The following PEPD variants were observed in gnomAD, a reference collection of about 807,000 sequenced individuals.
The protein encoded by PEPD is peptidase D, also known as xaa-Pro dipeptidase.
PEPD carries 53 observed loss-of-function variants against 60.7 expected under a neutral mutation model. That is an observed-to-expected ratio of 0.87 (90% CI 0.70 to 1.10). The LOEUF (loss-of-function observed/expected upper bound fraction) is 1.10, where lower values mean the gene tolerates loss of function less well. PEPD is among the 50% of genes least tolerant of loss of function. PEPD has a pLI of 0.00. For synonymous variants in PEPD, 267 were observed against 284.1 expected (o/e 0.94, Z 0.60); for missense variants, 711 against 711.9 (o/e 1.00, Z 0.01).
intron 7 of PEPD, among the ~76,000 whole-genome samples, chr19:33,470,670 T>C (rs2145285439): frequency 6.6e-6 from 1 of 152,286 alleles, no homozygotes; most frequent in South Asian, 2.1e-4. Flanking sequence ...ACACAGTAAC[T>C]ATGTGTCATC....
chr19:33,488,614 C>T lies in PEPD; in HGVS notation c.503+1382G>A, dbSNP rs538293734. Among the ~76,000 whole-genome samples, 6 of 152,180 alleles carry T rather than the reference C, an allele frequency of 3.9e-5. No homozygotes were observed. The East Asian group carries it at 7.7e-4, about 20-fold the overall frequency. Reference sequence around the variant, plus strand: ...GCTAATTGCTGCCAGGCGTGGGAGGCGGGGCCGCTTTGGGGAAACTCCCAG... The same window carrying T: ...GCTAATTGCTGCCAGGCGTGGGAGGTGGGGCCGCTTTGGGGAAACTCCCAG... On this transcript the variant is annotated intron_variant, in intron 6 of 14. Transcript: ENST00000244137.
intron 12 of PEPD, among the ~76,000 whole-genome samples, chr19:33,399,470 T>C (rs1214577759): frequency 6.6e-6 from 1 of 152,172 alleles, no homozygotes; most frequent in East Asian, 1.9e-4. Context: ...CAAGCTCTGT[T>C]CCTGTTGGAT....
At chr19:33,447,067 C>T (rs907465594) in intron 9 of PEPD, among the ~76,000 whole-genome samples, 9 of 152,192 alleles carry the variant, frequency 5.9e-5, no homozygotes, top group Non-Finnish European at 1.5e-5. Context: ...TGCACTTCGC[C>T]CTAGCTGGGA....
At chr19:33,460,489 C>T (rs1197110746) in intron 9 of PEPD, among the ~76,000 whole-genome samples, 1 of 152,158 alleles carries the variant, frequency 6.6e-6, no homozygotes, top group Non-Finnish European at 1.5e-5. Flanking sequence ...CCCCAGACAC[C>T]CATCTTCCCA....
chr19:33,456,062 T>C (rs945504255), intron 9 of PEPD, among the ~76,000 whole-genome samples: 1 of 152,120 alleles, frequency 6.6e-6, no homozygotes, highest in Non-Finnish European at 1.5e-5. Flanking sequence ...ACCAAGTTGG[T>C]TTTCTCCACA....
chr19:33,516,707 T>C (rs546143539), intron 1 of PEPD, among the ~76,000 whole-genome samples: 31 of 152,286 alleles, frequency 2.0e-4, no homozygotes, highest in African/African-American at 6.7e-4. Flanking sequence ...CTCCATCTAC[T>C]AGATGGGAAA....
chr19:33,448,038 C>T (rs781303982), intron 9 of PEPD, among the ~76,000 whole-genome samples: 6 of 152,148 alleles, frequency 3.9e-5, no homozygotes, highest in Admixed American at 6.5e-5. Context: ...ACATGCCTGC[C>T]GGCAGGTATG....
At chr19:33,502,104 C>T (rs1418269932) in intron 3 of PEPD, among the ~76,000 whole-genome samples, 1 of 152,162 alleles carries the variant, frequency 6.6e-6, no homozygotes, top group African/African-American at 2.4e-5. Flanking sequence ...AAGTCAATGT[C>T]TCTGTTAGTG....
intron 9 of PEPD, among the ~76,000 whole-genome samples, chr19:33,435,943 A>C (rs1969367394): frequency 6.6e-6 from 1 of 152,216 alleles, no homozygotes; most frequent in African/African-American, 2.4e-5. Flanking sequence ...ACTGGCCTCC[A>C]AGAAGCGGTG....
intron 5 of PEPD, among the ~76,000 whole-genome samples, chr19:33,492,749 T>TG (rs146160912): frequency 0.12 from 18,898 of 152,240 alleles, 1,610 homozygotes; most frequent in Non-Finnish European, 0.19. Context: ...GGAGTGGGTG[T>TG]GGCGCCAGGC....
At chr19:33,518,577 C>T (rs1971068882) in intron 1 of PEPD, among the ~76,000 whole-genome samples, 2 of 152,156 alleles carry the variant, frequency 1.3e-5, no homozygotes, top group Admixed American at 6.5e-5. Context: ...TTCATCCTAC[C>T]CCTCGGAATT....
chr19:33,400,064 G>A (rs1011520565), intron 12 of PEPD, among the ~76,000 whole-genome samples: 4 of 152,188 alleles, frequency 2.6e-5, no homozygotes, highest in South Asian at 4.1e-4. Context: ...CCCTCTGCCC[G>A]CGGTAAGCCC....
At chr19:33,415,397 C>T (rs931379271) in intron 9 of PEPD, among the ~76,000 whole-genome samples, 3 of 152,282 alleles carry the variant, frequency 2.0e-5, no homozygotes, top group South Asian at 2.1e-4. Flanking sequence ...GCAGGCCGGG[C>T]GCAGTGGCTC....
chr19:33,493,327 A>T lies in PEPD; in HGVS notation c.404T>A (p.Val135Asp), dbSNP rs1325007526. ...GACAGAGGGCTTCTGTGACGTCAGG[A>T]CGCTGGCAATCTAGAAGGTCGGAAA... ...DVQYVDEIAS[V>D]LTSQKPSVLL... The change falls in exon 5 of 15, where the codon GTC becomes GAC. Residue 135 changes from valine to aspartate, a missense_variant. Physicochemically the swap from Val to Asp is radical, Grantham distance 152 (BLOSUM62 -3). Transcript: ENST00000244137. 7 of 1,613,360 alleles carry T rather than the reference A, an allele frequency of 4.3e-6. No homozygotes were observed. Among genetic ancestry groups the T allele is most frequent in the Non-Finnish European group, 5.9e-6 (7 of 1,179,384 alleles).
At position 33,464,072 on chromosome 19, in the gene PEPD, CAGA is replaced by C. The variant is rs756915732; in HGVS notation, c.549-13_549-11del. ...CGTCTTAAACACTCGGCTTCAGAGA[CAGA>C]AGAACAAAGCAGCAAATCAGTGACT... is the stretch of plus-strand genomic sequence containing the variant. On this transcript the variant is annotated splice_polypyrimidine_tract_variant and intron_variant, in intron 7 of 14. Coordinates refer to ENST00000244137, the MANE Select transcript of PEPD (RefSeq NM_000285.4). The C allele has an allele frequency of 1.2e-6, 2 of 1,606,172 alleles. No homozygotes were observed. Among genetic ancestry groups the C allele is most frequent in the Admixed American group, 1.7e-5 (1 of 59,894 alleles).
chr19:33,437,029 C>T (rs376061567), intron 9 of PEPD, among the ~76,000 whole-genome samples: 11 of 152,230 alleles, frequency 7.2e-5, no homozygotes, highest in South Asian at 6.2e-4. Flanking sequence ...GAAGCTGGCA[C>T]GGAAGAGGAG....
chr19:33,392,146 CA>C (rs1210847690), intron 12 of PEPD, among the ~76,000 whole-genome samples: 1 of 143,110 alleles, frequency 7.0e-6, no homozygotes, highest in Non-Finnish European at 1.5e-5. Flanking sequence ...GCACCATCTC[CA>C]GGGGAGCCAG....
intron 9 of PEPD, among the ~76,000 whole-genome samples, chr19:33,444,813 G>A (rs1969562036): frequency 6.6e-6 from 1 of 151,998 alleles, no homozygotes; most frequent in South Asian, 2.1e-4. Flanking sequence ...CATCCACCAT[G>A]TCTCTCTCCA....
intron 7 of PEPD, among the ~76,000 whole-genome samples, chr19:33,472,293 A>G (rs1367732511): frequency 6.6e-6 from 1 of 152,216 alleles, no homozygotes; most frequent in African/African-American, 2.4e-5. Flanking sequence ...ACAACACTGC[A>G]TTCCAGCCTG....
Sources: gnomAD v4.1 joint callset for allele counts (sites outside exome capture counted in the v4.1 genomes callset) on GRCh38, gnomAD v4.1.1 for gene constraint, MANE v1.5 for transcripts, NCBI Gene and HGNC (gene_info 2026-07-23, HGNC 2026-07-21) for gene names.